ZSCAN5B: variants seen among roughly 807,000 people sequenced by gnomAD.
The protein encoded by ZSCAN5B is zinc finger and SCAN domain containing 5B, also known as zinc finger and SCAN domain-containing protein 5B.
In ZSCAN5B, 26 loss-of-function variants were observed where a neutral mutation model predicts 25.2. That is an observed-to-expected ratio of 1.03 (90% CI 0.76 to 1.43). The LOEUF (loss-of-function observed/expected upper bound fraction) is 1.43, where lower values mean the gene tolerates loss of function less well. Ranked by LOEUF, ZSCAN5B falls within the 40% of genes most tolerant of loss-of-function variation. The pLI, the probability that ZSCAN5B is intolerant of heterozygous loss-of-function variation, is 0.00. For missense variants in ZSCAN5B, 745 were observed against 622.1 expected, an observed-to-expected ratio of 1.20 and a Z score of -2.10; for synonymous variants, 244 against 240.9, an observed-to-expected ratio of 1.01 and a Z score of -0.12.
intron 1 of ZSCAN5B, 137 bp downstream of exon 1, chr19:56,197,597 G>A: frequency 3.7e-6 from 1 of 269,298 alleles, no homozygotes; most frequent in Non-Finnish European, 5.7e-6. Flanking sequence ...AGTTAATCAT[G>A]GGGTGCAAAG....
At chr19:56,191,089 C>G in intron 3 of ZSCAN5B, 102 bp from the exon 4 acceptor site, 2 of 1,508,406 alleles carry the variant, frequency 1.3e-6, no homozygotes, top group Non-Finnish European at 9.1e-7. Context: ...TTCCCATGGA[C>G]CACCCCATCA....
exon 4 of ZSCAN5B, chr19:56,190,925 G>C (rs759672086): frequency 1.2e-6 from 2 of 1,614,142 alleles, no homozygotes; most frequent in East Asian, 4.5e-5. Context: ...AGGTCTGCTT[G>C]GGTCTCGGAG....
chr19:56,190,083 T>A, exon 5 of ZSCAN5B: 1 of 1,614,056 alleles, frequency 6.2e-7, no homozygotes, highest in Non-Finnish European at 8.5e-7. Flanking sequence ...GTCACACATG[T>A]AGGGCCTCTC....
Position 56,195,841 on chromosome 19 carries a change from AT to A in ZSCAN5B, c.-128+1892del, listed in dbSNP as rs769592902. On this transcript the variant is annotated intron_variant, in intron 1 of 4. Transcript: ENST00000586855. Reference sequence around the variant, plus strand: ...CCACCGAACCTAAAATAAAAGTGGAATTTTTTTTTAAAGTTATCTATTTTTG... The same window carrying A: ...CCACCGAACCTAAAATAAAAGTGGAATTTTTTTTAAAGTTATCTATTTTTG... Among the ~76,000 whole-genome samples, 40 of 107,434 alleles carry A rather than the reference AT, an allele frequency of 3.7e-4. 1 individual carries two copies. Among genetic ancestry groups the A allele is most frequent in the Non-Finnish European group, 8.1e-4 (35 of 43,056 alleles). The allele number at this position is 107,434 out of a possible 152,430, so 70.5% of individuals were successfully genotyped here. A position where few individuals can be genotyped will look rare whatever the true frequency, so the allele number is the denominator to read the frequency against.
chr19:56,189,799 G>A (rs747945386), exon 5 of ZSCAN5B: 2 of 1,582,890 alleles, frequency 1.3e-6, no homozygotes, highest in Admixed American at 1.7e-5. Flanking sequence ...TGTCTCTTGG[G>A]GTGGAGGATG....
Position 56,190,559 on chromosome 19 carries a change from C to A in ZSCAN5B, c.756G>T (p.Lys252Asn), listed in dbSNP as rs146106972. 1,203 of 1,612,430 alleles carry A rather than the reference C, an allele frequency of 7.5e-4. 3 individuals are homozygous for A. The African/African-American group carries it at 0.015, about 20-fold the overall frequency. ...CTCTTTTCTGGGGTTCCTTCCCCTC[C>A]TTTGCTCTCACCAGATCTGGTGGAA... Residue 252 changes from lysine to asparagine, a missense_variant, in exon 5 of 5, where the codon AAG becomes AAT. Coordinates refer to ENST00000586855, the Ensembl canonical transcript of ZSCAN5B.
chr19:56,197,226 G>A (rs1258790028), intron 1 of ZSCAN5B, among the ~76,000 whole-genome samples: 2 of 150,802 alleles, frequency 1.3e-5, no homozygotes, highest in Non-Finnish European at 2.9e-5. Context: ...AGGCTGGAGT[G>A]CAATGGCGCG....
At chr19:56,191,774 T>C (rs2032737200) in intron 3 of ZSCAN5B, 76 bp downstream of exon 3, 1 of 1,471,156 alleles carries the variant, frequency 6.8e-7, no homozygotes. Flanking sequence ...AATCTCTCAA[T>C]CAGTTCTGCA....
exon 5 of ZSCAN5B, chr19:56,189,830 C>T (rs1348708902): frequency 1.1e-5 from 17 of 1,605,364 alleles, no homozygotes; most frequent in African/African-American, 2.7e-5. Context: ...TCTGGAATCA[C>T]TGGGAGGTGG....
At position 56,193,007 on chromosome 19, in the gene ZSCAN5B, TG is replaced by T. The variant is rs1017313429; in HGVS notation, c.45del (p.Cys15Ter). The T allele has an allele frequency of 6.3e-7, 1 of 1,599,508 alleles. No homozygotes were observed. The highest frequency in any genetic ancestry group is 1.3e-5 in the African/African-American group (1 of 74,540). On this transcript the variant is annotated frameshift_variant, in exon 2 of 5. Coordinates refer to ENST00000586855, the Ensembl canonical transcript of ZSCAN5B. LOFTEE classifies it high-confidence loss of function. Reference sequence around the variant, plus strand: ...CGTGGAGTGTCTGACCCAGGGCTGTTGCAGGGTCCTCCCTGACCCCATGAGA... The same window carrying T: ...CGTGGAGTGTCTGACCCAGGGCTGTTCAGGGTCCTCCCTGACCCCATGAGA...
exon 5 of ZSCAN5B, chr19:56,190,051 G>A (rs772396860): frequency 1.2e-6 from 2 of 1,613,936 alleles, no homozygotes; most frequent in Non-Finnish European, 8.5e-7. Context: ...GTGGACTCGT[G>A]GGCGAACCGC....
chr19:56,190,713 T>C, intron 4 of ZSCAN5B, 124 bp downstream of exon 4: 3 of 1,540,506 alleles, frequency 1.9e-6, no homozygotes, highest in East Asian at 2.2e-5. Context: ...TGTAGGTCTC[T>C]GGAAAGTGGA....
chr19:56,193,118 A>T, exon 2 of ZSCAN5B: 1 of 1,441,576 alleles, frequency 6.9e-7, no homozygotes, highest in East Asian at 2.5e-5. Flanking sequence ...TCAAATTGAG[A>T]CCTATTTACA....
chr19:56,190,725 G>A (rs140895332), intron 4 of ZSCAN5B, 112 bp downstream of exon 4: 6 of 1,541,980 alleles, frequency 3.9e-6, no homozygotes, highest in East Asian at 2.2e-5. Flanking sequence ...GAAAGTGGAG[G>A]AGAGATTTTG....
At chr19:56,193,521 A>C (rs1478537656) in intron 1 of ZSCAN5B, among the ~76,000 whole-genome samples, 1 of 152,236 alleles carries the variant, frequency 6.6e-6, no homozygotes, top group African/African-American at 2.4e-5. Flanking sequence ...TTTCCCGTCA[A>C]GACAAGATCC....
intron 1 of ZSCAN5B, among the ~76,000 whole-genome samples, chr19:56,196,147 G>C (rs1203118507): frequency 2.0e-5 from 3 of 152,148 alleles, no homozygotes; most frequent in Non-Finnish European, 1.5e-5. Flanking sequence ...TGCCTCCCGG[G>C]TTCAAGCGAT....
exon 3 of ZSCAN5B, chr19:56,192,026 A>T: frequency 6.2e-7 from 1 of 1,613,486 alleles, no homozygotes; most frequent in Non-Finnish European, 8.5e-7. Flanking sequence ...AGCATAAGAT[A>T]TTCTTTGCCG....
chr19:56,192,786 C>T, exon 2 of ZSCAN5B: 1 of 1,611,508 alleles, frequency 6.2e-7, no homozygotes, highest in Non-Finnish European at 8.5e-7. Context: ...TGAACTGCTC[C>T]ATCACCAGCA....
chr19:56,197,810 A>G lies in ZSCAN5B; in HGVS notation c.-204T>C, dbSNP rs543262470. The stretch of plus-strand genomic sequence containing the variant: ...ACCGGCCTGGAGCTGAACTGCGTCT[A>G]TTTATGGAGAAGCGGGACTCCAGGC... On this transcript the variant is annotated 5_prime_UTR_variant, in exon 1 of 5. Coordinates refer to ENST00000586855, the Ensembl canonical transcript of ZSCAN5B. The G allele has an allele frequency of 4.9e-5, 48 of 985,282 alleles. No individual in the cohort carries two copies. The African/African-American group carries it at 7.2e-4, about 15-fold the overall frequency. 61.0% of individuals were successfully genotyped at this position (985,282 alleles called of 1,614,324 possible).
Sources: gnomAD v4.1 joint callset for allele counts (sites outside exome capture counted in the v4.1 genomes callset) on GRCh38, gnomAD v4.1.1 for gene constraint, MANE v1.5 for transcripts, NCBI Gene and HGNC (gene_info 2026-07-23, HGNC 2026-07-21) for gene names.